The following BICD1 variants were observed in gnomAD, a reference collection of about 807,000 sequenced individuals.
BICD1 encodes protein bicaudal D homolog 1.
In BICD1, 35 loss-of-function variants were observed where a neutral mutation model predicts 92.5. The observed-to-expected ratio is 0.38, with a 90% CI of 0.29 to 0.50. The LOEUF is 0.50. Among genes scored for constraint, BICD1 ranks in the 20% least tolerant of loss-of-function variants. The pLI, the probability that BICD1 is intolerant of heterozygous loss-of-function variation, is 0.93. For synonymous variants in BICD1, 429 were observed against 465.1 expected (o/e 0.92, Z 1.00); for missense variants, 950 against 1,189.8 (o/e 0.80, Z 2.97).
intron 1 of BICD1, among the ~76,000 whole-genome samples, chr12:32,111,300 G>A (rs1218362803): frequency 6.6e-6 from 1 of 152,146 alleles, no homozygotes; most frequent in Non-Finnish European, 1.5e-5. Context: ...CTTTTTCAGG[G>A]TTATAGTTAA....
At chr12:32,370,337 A>T (rs1809601) in intron 9 of BICD1, among the ~76,000 whole-genome samples, 2 of 151,266 alleles carry the variant, frequency 1.3e-5, no homozygotes, top group African/African-American at 4.9e-5. Flanking sequence ...ACTGCATTAC[A>T]GCCTGGCGAC....
At chr12:32,291,642 A>G (rs1282851912) in intron 2 of BICD1, among the ~76,000 whole-genome samples, 1 of 152,120 alleles carries the variant, frequency 6.6e-6, no homozygotes, top group Non-Finnish European at 1.5e-5. Context: ...GTTTGAGACC[A>G]GCCTGGGCAA....
At chr12:32,148,605 C>T (rs140330369) in intron 1 of BICD1, among the ~76,000 whole-genome samples, 246 of 152,292 alleles carry the variant, frequency 1.6e-3, no homozygotes, top group African/African-American at 5.8e-3. Context: ...AAGTTATGCT[C>T]CCTTTTAAGG....
chr12:32,279,144 AT>A (rs1451265239), intron 2 of BICD1, among the ~76,000 whole-genome samples: 1 of 152,240 alleles, frequency 6.6e-6, no homozygotes, highest in African/African-American at 2.4e-5. Context: ...TTCCATTTAT[AT>A]GAAATGTCCA....
Position 32,338,942 on chromosome 12 carries a change from G to T in BICD1, c.2727G>T (p.Arg909=). Residue 909 remains arginine, a synonymous_variant, in exon 8 of 10, where the codon CGG becomes CGT. Coordinates refer to ENST00000652176, the MANE Select transcript of BICD1 (RefSeq NM_001714.4). ...PSMSEFIQGH[R]LSKEKRLTVA... The stretch of plus-strand genomic sequence containing the variant: ...TGAGTGAATTCATCCAAGGGCACCG[G>T]CTCAGCAAGGAAAAAAGGTTAACCG... The T allele has an allele frequency of 6.2e-7, 1 of 1,605,382 alleles. No individual in the cohort carries two copies. Among genetic ancestry groups the T allele is most frequent in the Non-Finnish European group, 8.5e-7 (1 of 1,176,850 alleles).
chr12:32,339,156 T>C, intron 8 of BICD1, 177 bp downstream of exon 8: 4 of 1,329,266 alleles, frequency 3.0e-6, no homozygotes. Flanking sequence ...CCTTCACTCA[T>C]ATTCCTTAGA....
intron 1 of BICD1, among the ~76,000 whole-genome samples, chr12:32,212,102 C>T (rs776991287): frequency 1.1e-4 from 16 of 152,170 alleles, no homozygotes; most frequent in Non-Finnish European, 2.4e-4. Flanking sequence ...AGATGGACAT[C>T]GATACTGGAA....
At chr12:32,117,781 G>A (rs931431656) in intron 1 of BICD1, among the ~76,000 whole-genome samples, 4 of 116,196 alleles carry the variant, frequency 3.4e-5, no homozygotes, top group South Asian at 2.6e-4. Flanking sequence ...ACCATATTTC[G>A]CTCTCGTTGT....
chr12:32,218,678 C>T (rs1945428851), intron 2 of BICD1, among the ~76,000 whole-genome samples: 1 of 152,112 alleles, frequency 6.6e-6, no homozygotes, highest in Admixed American at 6.5e-5. Flanking sequence ...TCTAAAACAG[C>T]TTGAGGCACT....
intron 4 of BICD1, among the ~76,000 whole-genome samples, chr12:32,325,812 C>T (rs554122222): frequency 6.6e-6 from 1 of 151,970 alleles, no homozygotes; most frequent in Non-Finnish European, 1.5e-5. Flanking sequence ...CGGTGGCTCA[C>T]GCCTATAATC....
At chr12:32,116,942 CA>C (rs1941937540) in intron 1 of BICD1, among the ~76,000 whole-genome samples, 1 of 151,606 alleles carries the variant, frequency 6.6e-6, no homozygotes, top group South Asian at 2.1e-4. Flanking sequence ...GGTCCAAACT[CA>C]CTTTTCTTCT....
chr12:32,207,775 C>T (rs1469924693), intron 1 of BICD1, among the ~76,000 whole-genome samples: 3 of 152,130 alleles, frequency 2.0e-5, no homozygotes, highest in African/African-American at 7.2e-5. Context: ...AGAGCCTATG[C>T]CTCTTGAAAT....
chr12:32,357,105 G>A (rs1005111715), intron 8 of BICD1, among the ~76,000 whole-genome samples: 3 of 145,852 alleles, frequency 2.1e-5, no homozygotes, highest in African/African-American at 5.1e-5. Flanking sequence ...TCCACCCCCC[G>A]GGTTCAAGCA....
Position 32,112,001 on chromosome 12 carries a change from C to CTTTTT in BICD1, c.213+4475_213+4479dup, listed in dbSNP as rs35592483. ...CCAGTTGCTCTAACTTGCACTATCC[C>CTTTTT]TTTTTTTTTTTTTTTTTTTTTTGAG... On this transcript the variant is annotated intron_variant, in intron 1 of 9. Coordinates refer to ENST00000652176, the MANE Select transcript of BICD1 (RefSeq NM_001714.4). 9.3e-4 allele frequency among the ~76,000 whole-genome samples: 90 copies of CTTTTT among 97,084 alleles called. 2 individuals carry two copies. The highest frequency in any genetic ancestry group is 3.3e-3 in the African/African-American group (78 of 23,692). The allele number at this position is 97,084 out of a possible 152,430, so 63.7% of individuals were successfully genotyped here. A position where few individuals can be genotyped will look rare whatever the true frequency, so the allele number is the denominator to read the frequency against.
intron 2 of BICD1, among the ~76,000 whole-genome samples, chr12:32,235,157 C>G (rs2136067724): frequency 6.6e-6 from 1 of 152,288 alleles, no homozygotes; most frequent in South Asian, 2.1e-4. Context: ...CAGAATTACT[C>G]ATGTGTCTTA....
chr12:32,187,307 C>T (rs1436362387), intron 1 of BICD1, among the ~76,000 whole-genome samples: 5 of 152,178 alleles, frequency 3.3e-5, no homozygotes, highest in African/African-American at 1.2e-4. Flanking sequence ...CTTATTAAAA[C>T]AATATATTGC....
intron 1 of BICD1, chr12:32,107,902 A>G: frequency 3.4e-6 from 2 of 580,076 alleles, no homozygotes; most frequent in Non-Finnish European, 6.2e-6. Context: ...TTTCAGCGAC[A>G]ATTTCGTAGT....
At chr12:32,282,826 C>T (rs1296840619) in intron 2 of BICD1, among the ~76,000 whole-genome samples, 2 of 152,170 alleles carry the variant, frequency 1.3e-5, no homozygotes, top group Admixed American at 6.5e-5. Context: ...GAGGAAGATA[C>T]AGAGGTGGCC....
chr12:32,164,466 A>T (rs1229531048), intron 1 of BICD1, among the ~76,000 whole-genome samples: 1 of 152,194 alleles, frequency 6.6e-6, no homozygotes, highest in Non-Finnish European at 1.5e-5. Context: ...ACGCAATCCT[A>T]TCTTTGTCTC....
Sources: allele counts gnomAD v4.1 joint callset (sites outside exome capture counted in the v4.1 genomes callset), GRCh38; gene constraint gnomAD v4.1.1; transcripts MANE v1.5; gene names NCBI Gene and HGNC (gene_info 2026-07-23, HGNC 2026-07-21).